Variants in RBM17 observed in about 807,000 individuals in gnomAD.
RBM17 encodes RNA binding motif protein 17, also known as splicing factor 45.
RBM17 carries 7 observed loss-of-function variants against 53.2 expected under a neutral mutation model. The ratio of observed to expected loss-of-function variants is 0.13; its 90% CI spans 0.07 to 0.25. The LOEUF (loss-of-function observed/expected upper bound fraction) is 0.25, where lower values mean the gene tolerates loss of function less well. RBM17 is among the 10% of genes least tolerant of loss of function. The pLI, the probability that RBM17 is intolerant of heterozygous loss-of-function variation, is 1.00. For missense variants in RBM17, 257 were observed against 496.7 expected, an observed-to-expected ratio of 0.52 and a Z score of 4.59; for synonymous variants, 167 against 178.1, an observed-to-expected ratio of 0.94 and a Z score of 0.50.
At position 6,113,522 on chromosome 10, in the gene RBM17, T is replaced by G. The variant is rs778274713; in HGVS notation, c.871T>G (p.Ser291Ala). The G allele has an allele frequency of 1.4e-5, 22 of 1,612,488 alleles. No individual in the cohort carries two copies. Among genetic ancestry groups the G allele is most frequent in the Non-Finnish European group, 1.6e-5 (19 of 1,178,622 alleles). ...TTTTGATACAGATGCATCCAAGAAG[T>G]CAGATTCAAATCCGCTGACTGAAAT... ...DATEKDASKK[S>A]DSNPLTEILK... Residue 291 changes from serine to alanine, a missense_variant, in exon 9 of 12, where the codon TCA becomes GCA. Coordinates refer to ENST00000379888, the MANE Select transcript of RBM17 (RefSeq NM_032905.5).
At chr10:6,091,796 A>G (rs1840490215) in intron 1 of RBM17, among the ~76,000 whole-genome samples, 1 of 148,534 alleles carries the variant, frequency 6.7e-6, no homozygotes, top group Non-Finnish European at 1.5e-5. Context: ...GTGAAACAAT[A>G]GGCAGCATAA....
chr10:6,107,479 C>CTTTTTTTTTTTT (rs71390124), intron 5 of RBM17, among the ~76,000 whole-genome samples: 602 of 56,576 alleles, frequency 0.011, 97 homozygotes, highest in East Asian at 0.026. Context: ...CACCCGGCCT[C>CTTTTTTTTTTTT]TTTTTTTTTT....
At chr10:6,098,364 C>G (rs865916155) in intron 2 of RBM17, among the ~76,000 whole-genome samples, 7 of 151,972 alleles carry the variant, frequency 4.6e-5, no homozygotes, top group African/African-American at 7.3e-5. Context: ...GAGATGTGTA[C>G]TGAAATATTT....
At chr10:6,106,962 G>A (rs935383681) in intron 5 of RBM17, among the ~76,000 whole-genome samples, 28 of 152,222 alleles carry the variant, frequency 1.8e-4, no homozygotes, top group African/African-American at 6.7e-4. Flanking sequence ...TTTTTTAACT[G>A]AACTTATTAG....
chr10:6,108,742 T>A lies in RBM17; in HGVS notation c.562T>A (p.Leu188Ile). ...PTSLVEKDKE[L>I]PRDFPYEEDS... The stretch of plus-strand genomic sequence containing the variant: ...TTCTCTGGTAGAGAAAGACAAAGAG[T>A]GTAAGTAGATCTGTTTCTTCCTCTT... Residue 188 changes from leucine (L) to isoleucine (I), a missense_variant and splice_region_variant, in exon 6 of 12, where the codon TTA becomes ATA. Transcript: ENST00000379888. 1 of 1,608,728 alleles carries A rather than the reference T, an allele frequency of 6.2e-7. No homozygotes were observed. Among genetic ancestry groups the A allele is most frequent in the Non-Finnish European group, 8.5e-7 (1 of 1,175,856 alleles).
chr10:6,101,192 G>A (rs1840664992), intron 2 of RBM17, 79 bp from the exon 3 acceptor site: 2 of 840,808 alleles, frequency 2.4e-6, no homozygotes, highest in Non-Finnish European at 3.6e-6. Flanking sequence ...GCAGGGACCA[G>A]AAAGAAAATC....
At position 6,110,012 on chromosome 10, in the gene RBM17, G is replaced by T; in HGVS notation, c.589G>T (p.Asp197Tyr). The T allele has an allele frequency of 6.2e-7, 1 of 1,610,548 alleles. No homozygotes were observed. ...ACCCCGAGATTTTCCTTATGAAGAG[G>T]ACTCAAGACCTCGATCACAGTCTTC... ...ELPRDFPYEE[D>Y]SRPRSQSSKA... The change falls in exon 7 of 12, where the codon GAC (aspartate) becomes TAC (tyrosine). Residue 197 changes from aspartate (D) to tyrosine (Y), a missense_variant. Coordinates refer to ENST00000379888, the MANE Select transcript of RBM17 (RefSeq NM_032905.5).
In RBM17 at chr10:6,110,051, C is replaced by T; in HGVS notation, c.628C>T (p.Pro210Ser). Residue 210 changes from proline (P) to serine (S), a missense_variant, in exon 7 of 12, where the codon CCT becomes TCT. By Grantham distance (74) the Pro-to-Ser change is moderately conservative (BLOSUM62 -1). Transcript: ENST00000379888. ...PRSQSSKAAI[P>S]PPVYEEQDRP... ...ATCACAGTCTTCCAAAGCAGCCATT[C>T]CTCCCCCAGTGTACGAGGAACAAGA... is the stretch of plus-strand genomic sequence containing the variant. 1.2e-6 allele frequency: 2 copies of T among 1,613,388 alleles called. No individual in the cohort carries two copies. Among genetic ancestry groups the T allele is most frequent in the Non-Finnish European group, 1.7e-6 (2 of 1,179,506 alleles).
intron 2 of RBM17, among the ~76,000 whole-genome samples, chr10:6,100,683 G>A (rs1258266397): frequency 6.6e-6 from 1 of 151,892 alleles, no homozygotes; most frequent in Non-Finnish European, 1.5e-5. Context: ...AAAAAAATCA[G>A]CTGTTTAAAG....
Position 6,096,589 on chromosome 10 carries a change from A to G in RBM17, c.-18-459A>G, listed in dbSNP as rs79869779. Among the ~76,000 whole-genome samples the G allele has an allele frequency of 5.6e-3, 855 of 152,256 alleles. 1 individual carries two copies. The highest frequency in any genetic ancestry group is 0.01 in the Middle Eastern group (3 of 294). On this transcript the variant is annotated intron_variant, in intron 1 of 11. Coordinates refer to ENST00000379888, the MANE Select transcript of RBM17 (RefSeq NM_032905.5). ...TTGACAAAATCACATCTAAGAGATC[A>G]TTTCTGTCATTTTTTTCCCTAGGAG...
intron 1 of RBM17, among the ~76,000 whole-genome samples, chr10:6,092,462 TTAACA>T (rs1199061771): frequency 2.6e-5 from 4 of 152,102 alleles, no homozygotes; most frequent in African/African-American, 9.7e-5. Flanking sequence ...GTAAATAAAA[TTAACA>T]TAAAAGGAGG....
At chr10:6,095,988 C>G (rs1304483275) in intron 1 of RBM17, among the ~76,000 whole-genome samples, 1 of 152,174 alleles carries the variant, frequency 6.6e-6, no homozygotes, top group Non-Finnish European at 1.5e-5. Flanking sequence ...TTCAATAACA[C>G]GGTTTCCATG....
chr10:6,092,915 G>A lies in RBM17; in HGVS notation c.-19+3722G>A, dbSNP rs115264258. On this transcript the variant is annotated intron_variant, in intron 1 of 11. Transcript: ENST00000379888. The stretch of plus-strand genomic sequence containing the variant: ...GCCTGATGATTTCTGAAACTTTTGC[G>A]CAATGCAGCAAATCAACTGGAATTG... Among the ~76,000 whole-genome samples, 206 of 152,300 alleles carry A rather than the reference G, an allele frequency of 1.4e-3. 1 individual carries two copies. Among genetic ancestry groups the A allele is most frequent in the African/African-American group, 4.4e-3 (183 of 41,544 alleles).
chr10:6,116,086 C>T lies in RBM17; in HGVS notation c.*530C>T, dbSNP rs1381124149. The T allele has an allele frequency of 1.3e-5, 2 of 152,406 alleles. No homozygotes were observed. The highest frequency in any genetic ancestry group is 6.5e-5 in the Admixed American group (1 of 15,278). The allele number at this position is 152,406 out of a possible 1,614,324, so 9.4% of individuals were successfully genotyped here. ...CTTAGTGACTCCAGTCGTAGAAAAA[C>T]GTCTTTACAACCTGAATAAGATTGA... is the stretch of plus-strand genomic sequence containing the variant. On this transcript the variant is annotated 3_prime_UTR_variant, in exon 12 of 12. Transcript: ENST00000379888.
chr10:6,115,367 C>A, intron 11 of RBM17, 56 bp downstream of exon 11: 3 of 1,536,394 alleles, frequency 2.0e-6, no homozygotes, highest in Non-Finnish European at 2.7e-6. Context: ...CAGCCTTAAT[C>A]TTTACAAGTA....
intron 5 of RBM17, among the ~76,000 whole-genome samples, chr10:6,108,174 C>G (rs896867998): frequency 6.6e-6 from 1 of 152,164 alleles, no homozygotes; most frequent in African/African-American, 2.4e-5. Context: ...AAGGAGCGTG[C>G]TGTGTGGTGG....
intron 5 of RBM17, among the ~76,000 whole-genome samples, chr10:6,107,002 A>C (rs1015790690): frequency 6.6e-6 from 1 of 152,128 alleles, no homozygotes. Context: ...ATCAGTAATC[A>C]CTCTAGGTCC....
chr10:6,095,495 T>C (rs192126941), intron 1 of RBM17, among the ~76,000 whole-genome samples: 1 of 152,290 alleles, frequency 6.6e-6, no homozygotes, highest in East Asian at 1.9e-4. Flanking sequence ...ATTACAGGCG[T>C]GAGCCACCGT....
chr10:6,093,514 C>T (rs967016690), intron 1 of RBM17, among the ~76,000 whole-genome samples: 3 of 152,148 alleles, frequency 2.0e-5, no homozygotes, highest in African/African-American at 7.2e-5. Flanking sequence ...CCACCGCAGC[C>T]GGCCCATTAT....
Sources: gnomAD v4.1 joint callset for allele counts (sites outside exome capture counted in the v4.1 genomes callset) on GRCh38, gnomAD v4.1.1 for gene constraint, MANE v1.5 for transcripts, NCBI Gene and HGNC (gene_info 2026-07-23, HGNC 2026-07-21) for gene names.